Variants in TAS2R1 observed in about 807,000 individuals in gnomAD.
The protein encoded by TAS2R1 is taste 2 receptor member 1, also known as taste receptor type 2 member 1.
For synonymous variants in TAS2R1, 141 were observed against 134.2 expected, an observed-to-expected ratio of 1.05 and a Z score of -0.35; for missense variants, 370 against 353.4, an observed-to-expected ratio of 1.05 and a Z score of -0.38.
chr5:9,783,716 AC>A, the TAS2R1 span, among the ~76,000 whole-genome samples: 1 of 152,214 alleles, frequency 6.6e-6, no homozygotes. Flanking sequence ...AAATGTGAAC[AC>A]CAAAACTATT....
chr5:9,665,932 T>G (rs559488634), intron 1 of TAS2R1, among the ~76,000 whole-genome samples: 2 of 152,372 alleles, frequency 1.3e-5, no homozygotes, highest in East Asian at 3.9e-4. Context: ...AACATTACCC[T>G]ACTTTTGAGC....
At chr5:9,662,479 A>G (rs1740556082) in intron 1 of TAS2R1, among the ~76,000 whole-genome samples, 1 of 152,196 alleles carries the variant, frequency 6.6e-6, no homozygotes, top group Non-Finnish European at 1.5e-5. Flanking sequence ...ACTTCCATCC[A>G]GGAGTGACAG....
the TAS2R1 span, among the ~76,000 whole-genome samples, chr5:9,727,869 A>T: frequency 6.6e-6 from 1 of 152,240 alleles, no homozygotes; most frequent in Admixed American, 6.5e-5. Context: ...GCATCCAAGC[A>T]CTTAGCCTCA....
chr5:9,735,368 T>C, the TAS2R1 span, among the ~76,000 whole-genome samples: 1 of 151,550 alleles, frequency 6.6e-6, no homozygotes, highest in Admixed American at 6.6e-5. Flanking sequence ...TTTATGAGTT[T>C]TTTATTGCCA....
chr5:9,798,132 C>T, the TAS2R1 span, among the ~76,000 whole-genome samples: 1 of 152,114 alleles, frequency 6.6e-6, no homozygotes, highest in South Asian at 2.1e-4. Context: ...CAGAAAAGAT[C>T]CCATGGTGTA....
At chr5:9,790,610 CATGT>C in the TAS2R1 span, among the ~76,000 whole-genome samples, 2 of 152,144 alleles carry the variant, frequency 1.3e-5, no homozygotes, top group East Asian at 3.9e-4. Context: ...TCTGTGTGTG[CATGT>C]GTGTGTGTAA....
intron 1 of TAS2R1, among the ~76,000 whole-genome samples, chr5:9,696,818 A>G (rs41489): frequency 0.19 from 28,119 of 151,902 alleles, 3,244 homozygotes; most frequent in Admixed American, 0.32. Context: ...GTTTGAGACC[A>G]GACTGACCAA....
chr5:9,784,822 C>CATATAAGG, the TAS2R1 span, among the ~76,000 whole-genome samples: 1 of 152,294 alleles, frequency 6.6e-6, no homozygotes, highest in Admixed American at 6.5e-5. Context: ...TGGCCATCTT[C>CATATAAGG]ATATAAGGAC....
intron 2 of TAS2R1, among the ~76,000 whole-genome samples, chr5:9,652,289 A>G (rs901539441): frequency 2.0e-5 from 3 of 152,208 alleles, no homozygotes; most frequent in Non-Finnish European, 2.9e-5. Flanking sequence ...TACAGTTCTC[A>G]TGAGTATCTG....
At chr5:9,744,823 TACTGTGCTTTCTGA>T in the TAS2R1 span, among the ~76,000 whole-genome samples, 3 of 152,248 alleles carry the variant, frequency 2.0e-5, no homozygotes, top group Admixed American at 2.0e-4. Context: ...TTGACTCAGT[TACTGTGCTTTCTGA>T]ACATGTATAC....
upstream of TAS2R1, among the ~76,000 whole-genome samples, chr5:9,630,953 T>C (rs1022529289): frequency 2.6e-5 from 4 of 152,214 alleles, no homozygotes; most frequent in African/African-American, 9.6e-5. Context: ...AAGTGGGTTT[T>C]CTCAGTCTTT....
chr5:9,679,554 A>G (rs1740954557), intron 1 of TAS2R1, among the ~76,000 whole-genome samples: 1 of 152,214 alleles, frequency 6.6e-6, no homozygotes, highest in South Asian at 2.1e-4. Context: ...TCTAGTTGAT[A>G]AAGTTATATC....
At chr5:9,862,103 T>C in the TAS2R1 span, among the ~76,000 whole-genome samples, 1 of 152,122 alleles carries the variant, frequency 6.6e-6, no homozygotes, top group African/African-American at 2.4e-5. Flanking sequence ...GCAGGCTCCC[T>C]GCAATCTGAT....
At chr5:9,876,068 G>A in the TAS2R1 span, among the ~76,000 whole-genome samples, 563 of 152,162 alleles carry the variant, frequency 3.7e-3, 4 homozygotes, top group African/African-American at 0.013. Flanking sequence ...CTCCAGAGTG[G>A]TGTCCTCTCC....
the TAS2R1 span, among the ~76,000 whole-genome samples, chr5:9,885,588 CAG>C: frequency 2.0e-5 from 3 of 152,058 alleles, no homozygotes; most frequent in East Asian, 1.9e-4. Context: ...TGATATAAGT[CAG>C]GGGGGAAAAA....
At chr5:9,871,669 C>G in the TAS2R1 span, among the ~76,000 whole-genome samples, 1 of 152,170 alleles carries the variant, frequency 6.6e-6, no homozygotes, top group Non-Finnish European at 1.5e-5. Context: ...AAGGTGCCAT[C>G]TGAAATTATC....
chr5:9,847,095 AG>A, the TAS2R1 span, among the ~76,000 whole-genome samples: 1 of 152,208 alleles, frequency 6.6e-6, no homozygotes, highest in African/African-American at 2.4e-5. Flanking sequence ...AGACACTTAC[AG>A]GAAAACTTCA....
chr5:9,633,762 A>T (rs1207419913), upstream of TAS2R1, among the ~76,000 whole-genome samples: 1 of 151,420 alleles, frequency 6.6e-6, no homozygotes, highest in Non-Finnish European at 1.5e-5. Flanking sequence ...TTGTCTATTC[A>T]TGTCCTTTGC....
At chr5:9,819,602 T>A in the TAS2R1 span, among the ~76,000 whole-genome samples, 1 of 152,140 alleles carries the variant, frequency 6.6e-6, no homozygotes, top group East Asian at 1.9e-4. Context: ...TGAGCTTAGT[T>A]TTATTAGGTA....
Sources: gnomAD v4.1 joint callset for allele counts (sites outside exome capture counted in the v4.1 genomes callset) on GRCh38, gnomAD v4.1.1 for gene constraint, MANE v1.5 for transcripts, NCBI Gene and HGNC (gene_info 2026-07-23, HGNC 2026-07-21) for gene names.